The following SLC12A2 variants were observed in gnomAD, a reference collection of about 807,000 sequenced individuals.
SLC12A2 encodes solute carrier family 12 member 2, also known as Na-K-2Cl cotransporter 1.
Under a neutral mutation model 136.3 loss-of-function variants are expected in SLC12A2, and 67 were observed. The ratio of observed to expected loss-of-function variants is 0.49; its 90% confidence interval spans 0.40 to 0.60. The LOEUF is 0.60. Among genes scored for constraint, SLC12A2 ranks in the 20% least tolerant of loss-of-function variants. The probability of loss-of-function intolerance (pLI) is 0.00; values close to 1 mark genes in which losing one functional copy is unlikely to be tolerated. For missense variants in SLC12A2, 1,322 were observed against 1,534.7 expected (o/e 0.86, Z 2.32); for synonymous variants, 619 against 562.9 (o/e 1.10, Z -1.41).
intron 1 of SLC12A2, among the ~76,000 whole-genome samples, chr5:128,111,671 AG>A (rs1286285524): frequency 6.6e-6 from 1 of 151,718 alleles, no homozygotes; most frequent in African/African-American, 2.4e-5. Flanking sequence ...AGGCTGAGGC[AG>A]GAGAATGGCA....
intron 1 of SLC12A2, among the ~76,000 whole-genome samples, chr5:128,101,509 T>C (rs938049839): frequency 6.6e-6 from 1 of 152,162 alleles, no homozygotes; most frequent in Non-Finnish European, 1.5e-5. Flanking sequence ...TTTTGAAATA[T>C]AATTTTGGGT....
intron 4 of SLC12A2, among the ~76,000 whole-genome samples, chr5:128,129,894 A>T (rs1416130268): frequency 1.3e-5 from 2 of 152,138 alleles, no homozygotes; most frequent in African/African-American, 4.8e-5. Flanking sequence ...CATAATACTG[A>T]TTTCTTTTTT....
chr5:128,146,126 G>GTA (rs958101663), intron 10 of SLC12A2, among the ~76,000 whole-genome samples: 4 of 151,766 alleles, frequency 2.6e-5, no homozygotes, highest in African/African-American at 9.7e-5. Context: ...CTTTGTGTGT[G>GTA]TATATATATA....
At chr5:128,157,606 A>G (rs571636070) in intron 15 of SLC12A2, among the ~76,000 whole-genome samples, 1 of 152,284 alleles carries the variant, frequency 6.6e-6, no homozygotes, top group Non-Finnish European at 1.5e-5. Context: ...TGCAAACTCT[A>G]TGAAAGAATT....
At chr5:128,169,342 G>A (rs957655821) in intron 18 of SLC12A2, 4 of 152,044 alleles carry the variant, frequency 2.6e-5, no homozygotes, top group African/African-American at 9.7e-5. Flanking sequence ...CTTCCTTACT[G>A]GAACTCCTGT....
At chr5:128,153,620 A>G (rs1762779020) in intron 15 of SLC12A2, among the ~76,000 whole-genome samples, 1 of 152,212 alleles carries the variant, frequency 6.6e-6, no homozygotes, top group Non-Finnish European at 1.5e-5. Flanking sequence ...AACTTTCTTT[A>G]GTCATGAGTA....
intron 6 of SLC12A2, among the ~76,000 whole-genome samples, chr5:128,135,359 CA>C (rs1762151542): frequency 6.6e-6 from 1 of 151,982 alleles, no homozygotes. Flanking sequence ...GTGGAAGAGA[CA>C]GGAATGAATG....
At chr5:128,096,827 T>C (rs1056784061) in intron 1 of SLC12A2, among the ~76,000 whole-genome samples, 1 of 151,976 alleles carries the variant, frequency 6.6e-6, no homozygotes, top group Non-Finnish European at 1.5e-5. Context: ...TAACAACAAA[T>C]AGGCATTCAT....
At position 128,148,586 on chromosome 5, in the gene SLC12A2, G is replaced by A. The variant is rs116388856; in HGVS notation, c.1882-168G>A. On this transcript the variant is annotated intron_variant, in intron 11 of 26. Coordinates refer to ENST00000262461, the MANE Select transcript of SLC12A2 (RefSeq NM_001046.3). ...CCAGTATCCTTCTGATGTTTGAAAT[G>A]CTTGAATTTCCTTTACATTTTGTAG... 6.3e-3 allele frequency among the ~76,000 whole-genome samples: 957 copies of A among 151,838 alleles called. 4 individuals carry two copies. The highest frequency in any genetic ancestry group is 9.9e-3 in the Non-Finnish European group (673 of 67,730).
chr5:128,109,714 A>G, intron 1 of SLC12A2: 1 of 1,172,824 alleles, frequency 8.5e-7, no homozygotes, highest in South Asian at 1.2e-5. Context: ...TCCCAGCACC[A>G]GAGGAGCAAT....
chr5:128,173,468 T>C (rs1444578271), intron 19 of SLC12A2, among the ~76,000 whole-genome samples: 1 of 152,356 alleles, frequency 6.6e-6, no homozygotes, highest in Admixed American at 6.5e-5. Context: ...GTATTTATAA[T>C]CATTGTGAAA....
intron 1 of SLC12A2, among the ~76,000 whole-genome samples, chr5:128,105,538 TGTG>T (rs1760901135): frequency 1.3e-5 from 2 of 152,052 alleles, no homozygotes; most frequent in African/African-American, 4.8e-5. Flanking sequence ...ATTTTGGTGT[TGTG>T]GTGAGGGGAA....
chr5:128,144,314 A>G (rs1056031464), intron 10 of SLC12A2, among the ~76,000 whole-genome samples: 4 of 152,222 alleles, frequency 2.6e-5, no homozygotes, highest in Non-Finnish European at 4.4e-5. Flanking sequence ...GCGATACAAC[A>G]TGAGGGAAAA....
intron 1 of SLC12A2, chr5:128,110,406 T>C (rs1761098925): frequency 3.8e-6 from 4 of 1,039,780 alleles, no homozygotes; most frequent in South Asian, 1.3e-5. Context: ...CACAGCTGTC[T>C]TGAGAGGGCA....
chr5:128,106,203 TA>T (rs1760928632), intron 1 of SLC12A2, among the ~76,000 whole-genome samples: 1 of 152,240 alleles, frequency 6.6e-6, no homozygotes, highest in Non-Finnish European at 1.5e-5. Flanking sequence ...TGCCAATTTC[TA>T]CTTTTTATCC....
chr5:128,174,511 A>G (rs1763480916), intron 19 of SLC12A2, 30 bp from the exon 20 acceptor site: 1 of 1,518,826 alleles, frequency 6.6e-7, no homozygotes, highest in African/African-American at 1.4e-5. Flanking sequence ...TATGACTTAG[A>G]TACTATTTTA....
Position 128,188,921 on chromosome 5 carries a change from CTTTTTT to C in SLC12A2, c.*2303_*2308del, listed in dbSNP as rs58399179. ...TTGAAATGTGCACAGGTACACTTACCTTTTTTTTTTTTTTTTTTAAGTTTTTCCCAT... is the reference window on the plus strand; with the variant it reads ...TTGAAATGTGCACAGGTACACTTACCTTTTTTTTTTTTAAGTTTTTCCCAT... On this transcript the variant is annotated 3_prime_UTR_variant, in exon 27 of 27. Coordinates refer to ENST00000262461, the MANE Select transcript of SLC12A2 (RefSeq NM_001046.3). 1 of 128,502 alleles carries C rather than the reference CTTTTTT, an allele frequency of 7.8e-6. No homozygotes were observed. Among genetic ancestry groups the C allele is most frequent in the South Asian group, 2.5e-4 (1 of 3,934 alleles). 8.0% of individuals were successfully genotyped at this position (128,502 alleles called of 1,614,324 possible).
intron 4 of SLC12A2, among the ~76,000 whole-genome samples, chr5:128,123,440 T>C (rs552445052): frequency 6.6e-6 from 1 of 152,294 alleles, no homozygotes; most frequent in African/African-American, 2.4e-5. Flanking sequence ...TTTCACTTTC[T>C]ATTCCAACCA....
chr5:128,156,721 A>T (rs1483266709), intron 15 of SLC12A2, among the ~76,000 whole-genome samples: 1 of 152,146 alleles, frequency 6.6e-6, no homozygotes, highest in Non-Finnish European at 1.5e-5. Context: ...GTCACTCAGA[A>T]CCCACGTTCC....
Sources: allele counts gnomAD v4.1 joint callset (sites outside exome capture counted in the v4.1 genomes callset), GRCh38; gene constraint gnomAD v4.1.1; transcripts MANE v1.5; gene names NCBI Gene and HGNC (gene_info 2026-07-23, HGNC 2026-07-21).